RCOR2: variants seen among roughly 807,000 people sequenced by gnomAD.
The protein encoded by RCOR2 is REST corepressor 2.
A neutral mutation model predicts 58.9 loss-of-function variants in RCOR2; 19 were observed. That is an observed-to-expected ratio of 0.32 (90% CI 0.23 to 0.47). The LOEUF is 0.47. Among genes scored for constraint, RCOR2 ranks in the 20% least tolerant of loss-of-function variants. The pLI, the probability that RCOR2 is intolerant of heterozygous loss-of-function variation, is 1.00. For synonymous variants in RCOR2, 286 were observed against 278.7 expected (o/e 1.03, Z -0.26); for missense variants, 590 against 707.9 (o/e 0.83, Z 1.89).
chr11:63,926,882 C>T, the RCOR2 span, among the ~76,000 whole-genome samples: 5 of 151,410 alleles, frequency 3.3e-5, no homozygotes, highest in East Asian at 1.9e-4. Context: ...AGTGCAGTGG[C>T]GCGATCTCGG....
At chr11:63,926,490 T>TC in the RCOR2 span, among the ~76,000 whole-genome samples, 7 of 1,138 alleles carry the variant, frequency 6.2e-3, no homozygotes, top group African/African-American at 7.4e-3. Flanking sequence ...TCTCTCTCTC[T>TC]TTTTTTTTTT....
At position 63,916,379 on chromosome 11, in the gene RCOR2, G is replaced by A. The variant is rs1022262468; in HGVS notation, c.78C>T (p.Gly26=). The A allele has an allele frequency of 3.1e-6, 5 of 1,607,380 alleles. No individual in the cohort carries two copies. The highest frequency in any genetic ancestry group is 4.2e-6 in the Non-Finnish European group (5 of 1,177,752). Residue 26 remains glycine (G), a synonymous_variant, in exon 1 of 12, where the codon GGC becomes GGT. Transcript: ENST00000301459. ...SRSRAKTVPN[G]GQPHSEDDSS... ...TGTCATCCTCCGAGTGGGGCTGTCC[G>A]CCGTTGGGCACCGTCTTGGCCCGGC...
upstream of RCOR2, among the ~76,000 whole-genome samples, chr11:63,920,259 G>C (rs534712240): frequency 9.8e-5 from 15 of 152,356 alleles, no homozygotes; most frequent in African/African-American, 3.1e-4. Context: ...CTGCCTGCTG[G>C]GTTTCTTGCT....
chr11:63,911,895 G>T lies in RCOR2; in HGVS notation c.1542C>A (p.Thr514=), dbSNP rs1417732854. 7.1e-7 allele frequency: 1 copy of T among 1,399,142 alleles called. No individual in the cohort carries two copies. Among genetic ancestry groups the T allele is most frequent in the South Asian group, 1.4e-5 (1 of 71,688 alleles). 86.7% of individuals were successfully genotyped at this position (1,399,142 alleles called of 1,614,324 possible). Residue 514 remains threonine (T), a synonymous_variant, in exon 12 of 12, where the codon ACC becomes ACA. Transcript: ENST00000301459. ...GTGAGGGTGCTGGGGGCTCCAGAGGGGTTCCAATCAGGGTGGGTGGGGGCT... is the reference window on the plus strand; with the variant it reads ...GTGAGGGTGCTGGGGGCTCCAGAGGTGTTCCAATCAGGGTGGGTGGGGGCT... The part of the protein sequence containing the change: ...GPQPPPTLIG[T]PLEPPAPSL
chr11:63,918,834 C>A (rs1291296188), upstream of RCOR2, among the ~76,000 whole-genome samples: 1 of 152,036 alleles, frequency 6.6e-6, no homozygotes, highest in African/African-American at 2.4e-5. Context: ...GCCTCCTTCC[C>A]AGACTCAAAC....
chr11:63,914,443 C>T lies in RCOR2; in HGVS notation c.579G>A (p.Leu193=). The change falls in exon 6 of 12, where the codon CTG becomes CTA. Residue 193 remains leucine, a synonymous_variant. Coordinates refer to ENST00000301459, the MANE Select transcript of RCOR2 (RefSeq NM_173587.4). ...TGTCTTCTTTGTCCTTGCGGCCCCC[C>T]AGCCGCCGGGCCTGTCTGTCCATCA... The part of the protein sequence containing the change: ...TSVMDRQARR[L]GGRKDKEDSD... The T allele has an allele frequency of 6.2e-7, 1 of 1,613,722 alleles. No homozygotes were observed. The highest frequency in any genetic ancestry group is 8.5e-7 in the Non-Finnish European group (1 of 1,180,036).
the RCOR2 span, among the ~76,000 whole-genome samples, chr11:63,924,643 T>C: frequency 2.6e-5 from 4 of 151,860 alleles, no homozygotes; most frequent in African/African-American, 7.3e-5. Context: ...CCTGAAAGAG[T>C]CCCCCCACTG....
Position 63,912,836 on chromosome 11 carries a change from C to G in RCOR2, c.969+34G>C, listed in dbSNP as rs767271998. 8 of 1,609,928 alleles carry G rather than the reference C, an allele frequency of 5.0e-6. No homozygotes were observed. In the East Asian group the frequency reaches 1.3e-4, roughly 27 times the overall value. ...TCTGCTCTGCCTCCAGAGAGAAACC[C>G]CCCTTTGCACCCTAACTTAAAGAGC... On this transcript the variant is annotated intron_variant, in intron 9 of 11. Transcript: ENST00000301459.
At chr11:63,914,619 G>T (rs200366373) in intron 5 of RCOR2, 36 bp downstream of exon 5, 56 of 1,606,784 alleles carry the variant, frequency 3.5e-5, no homozygotes, top group South Asian at 2.3e-4. Context: ...AGGAGGGGCA[G>T]AGGAGCGCCG....
upstream of RCOR2, among the ~76,000 whole-genome samples, chr11:63,917,897 A>T (rs1253754850): frequency 2.6e-5 from 4 of 152,012 alleles, no homozygotes; most frequent in Non-Finnish European, 5.9e-5. Context: ...CCCCCGGACA[A>T]GCACGGGCAG....
chr11:63,916,683 A>AGTGGGGGACGC lies in RCOR2; in HGVS notation c.-238_-228dup. ...AGGGCGTCAGAAAAGTTTGTGCAGAAGTGGGGGACGCAAGGGATGAGCGCA... is the reference window on the plus strand; with the variant it reads ...AGGGCGTCAGAAAAGTTTGTGCAGAAGTGGGGGACGCGTGGGGGACGCAAGGGATGAGCGCA... On this transcript the variant is annotated 5_prime_UTR_variant, in exon 1 of 12. Transcript: ENST00000301459. 1 of 664,364 alleles carries AGTGGGGGACGC rather than the reference A, an allele frequency of 1.5e-6. No homozygotes were observed. The highest frequency in any genetic ancestry group is 2.4e-6 in the Non-Finnish European group (1 of 409,588). 41.2% of individuals were successfully genotyped at this position (664,364 alleles called of 1,614,324 possible).
chr11:63,911,629 A>T lies in RCOR2; in HGVS notation c.*236T>A. ...CCATTCCAGTACCGGCCAGGAAGCG[A>T]AAGTGCCCTCAGGCCAGCTCAAAGG... On this transcript the variant is annotated 3_prime_UTR_variant, in exon 12 of 12. Coordinates refer to ENST00000301459, the MANE Select transcript of RCOR2 (RefSeq NM_173587.4). 1.9e-6 allele frequency: 1 copy of T among 524,144 alleles called. No homozygotes were observed. The highest frequency in any genetic ancestry group is 3.1e-6 in the Non-Finnish European group (1 of 322,146). 32.5% of individuals were successfully genotyped at this position (524,144 alleles called of 1,614,324 possible).
chr11:63,925,643 C>T, the RCOR2 span, among the ~76,000 whole-genome samples: 15 of 147,562 alleles, frequency 1.0e-4, no homozygotes, highest in Admixed American at 3.4e-4. Flanking sequence ...CATGACAAGA[C>T]CCCTGCCTCT....
At chr11:63,917,351 G>A (rs1386038333), upstream of RCOR2, among the ~76,000 whole-genome samples, 1 of 152,110 alleles carries the variant, frequency 6.6e-6, no homozygotes, top group South Asian at 2.1e-4. Flanking sequence ...CCGCTGCGGG[G>A]GCTCCCCTCG....
At chr11:63,918,941 C>G (rs1475147423), upstream of RCOR2, among the ~76,000 whole-genome samples, 1 of 152,230 alleles carries the variant, frequency 6.6e-6, no homozygotes, top group Non-Finnish European at 1.5e-5. Context: ...TCCCCAGCCA[C>G]TGGATTCCCT....
chr11:63,924,293 C>T, the RCOR2 span, among the ~76,000 whole-genome samples: 1 of 152,118 alleles, frequency 6.6e-6, no homozygotes, highest in Non-Finnish European at 1.5e-5. Context: ...CTGCAATCTC[C>T]ACCTCCCAGG....
In RCOR2 at chr11:63,912,189, G is replaced by A. The variant is rs747564695; in HGVS notation, c.1258-10C>T. 1.1e-5 allele frequency: 18 copies of A among 1,573,160 alleles called. No homozygotes were observed. The highest frequency in any genetic ancestry group is 1.6e-5 in the Non-Finnish European group (18 of 1,160,598). ...CCGATGTAATCTGGACCTGAGGGGA[G>A]AGGAAAGAGTGAGAAGCCAGGCTCT... On this transcript the variant is annotated splice_polypyrimidine_tract_variant and intron_variant, in intron 11 of 11. Coordinates refer to ENST00000301459, the MANE Select transcript of RCOR2 (RefSeq NM_173587.4).
chr11:63,915,388 G>T (rs1455559559), intron 2 of RCOR2, 130 bp from the exon 3 acceptor site: 1 of 1,096,942 alleles, frequency 9.1e-7, no homozygotes, highest in South Asian at 1.4e-5. Flanking sequence ...GAGGGGCAGA[G>T]ACCCAGACAG....
Position 63,915,580 on chromosome 11 carries a change from C to T in RCOR2, c.159G>A (p.Gln53=), listed in dbSNP as rs370851174. 163 of 1,359,684 alleles carry T rather than the reference C, an allele frequency of 1.2e-4. No homozygotes were observed. The highest frequency in any genetic ancestry group is 1.6e-4 in the Admixed American group (7 of 43,834). 84.2% of individuals were successfully genotyped at this position (1,359,684 alleles called of 1,614,324 possible). A position where few individuals can be genotyped will look rare whatever the true frequency, so the allele number is the denominator to read the frequency against. Residue 53 remains glutamine, a synonymous_variant, in exon 2 of 12, where the codon CAG becomes CAA. Transcript: ENST00000301459. ...DSMIRVGTNY[Q]AVIPECKPES... is the part of the protein sequence containing the mutation. ...CAGGCTTGCACTCCGGAATTACGGC[C>T]TGGTAATTGGTTCCAACGCGGATCA... is the stretch of plus-strand genomic sequence containing the variant.
Sources: allele counts gnomAD v4.1 joint callset (sites outside exome capture counted in the v4.1 genomes callset), GRCh38; gene constraint gnomAD v4.1.1; transcripts MANE v1.5; gene names NCBI Gene and HGNC (gene_info 2026-07-23, HGNC 2026-07-21).